INPP4B: variants seen among roughly 807,000 people sequenced by gnomAD.
The protein encoded by INPP4B is inositol polyphosphate 4-phosphatase type II.
A neutral mutation model predicts 122.5 loss-of-function variants in INPP4B; 55 were observed. The observed-to-expected ratio is 0.45, with a 90% CI of 0.36 to 0.56. INPP4B has a LOEUF of 0.56. INPP4B is among the 20% of genes least tolerant of loss of function. The pLI is 0.00. For synonymous variants in INPP4B, 403 were observed against 388.7 expected (o/e 1.04, Z -0.43); for missense variants, 1,000 against 1,097.7 (o/e 0.91, Z 1.26).
chr4:142,490,034 G>C (rs895321027), intron 2 of INPP4B, among the ~76,000 whole-genome samples: 4 of 151,800 alleles, frequency 2.6e-5, no homozygotes, highest in African/African-American at 9.7e-5. Context: ...TTTTGGAGGG[G>C]GGAAAGGAGG....
intron 7 of INPP4B, among the ~76,000 whole-genome samples, chr4:142,355,378 C>T (rs1276977878): frequency 6.6e-6 from 1 of 151,858 alleles, no homozygotes; most frequent in East Asian, 1.9e-4. Context: ...TTTCCCCCCA[C>T]CAGAATATGT....
At chr4:142,128,245 C>T (rs1046015641) in intron 18 of INPP4B, among the ~76,000 whole-genome samples, 8 of 150,802 alleles carry the variant, frequency 5.3e-5, no homozygotes, top group South Asian at 2.1e-4. Flanking sequence ...CATATATATA[C>T]GTGTGTGCAC....
intron 1 of INPP4B, among the ~76,000 whole-genome samples, chr4:142,815,891 A>T (rs1780061272): frequency 6.6e-6 from 1 of 152,122 alleles, no homozygotes; most frequent in Non-Finnish European, 1.5e-5. Flanking sequence ...CACTTTTGTA[A>T]ATTGCTCACT....
intron 11 of INPP4B, among the ~76,000 whole-genome samples, chr4:142,255,808 C>T (rs962387602): frequency 2.0e-5 from 3 of 151,638 alleles, no homozygotes; most frequent in African/African-American, 2.4e-5. Flanking sequence ...GACAGAAAGT[C>T]AACAAGGATA....
At chr4:142,547,130 CT>C (rs11442528) in intron 2 of INPP4B, among the ~76,000 whole-genome samples, 3,795 of 141,576 alleles carry the variant, frequency 0.027, 82 homozygotes, top group African/African-American at 0.066. Context: ...GATCCCAGTG[CT>C]TTTTTTTTTT....
At chr4:142,568,413 T>C (rs2081474) in intron 2 of INPP4B, among the ~76,000 whole-genome samples, 132,658 of 152,042 alleles carry the variant, frequency 0.87, 57,916 homozygotes, top group African/African-American at 0.9. Flanking sequence ...CTTGTTTTTC[T>C]TCATATACAA....
At chr4:142,343,723 A>G (rs893182627) in intron 7 of INPP4B, among the ~76,000 whole-genome samples, 2 of 152,084 alleles carry the variant, frequency 1.3e-5, no homozygotes, top group Non-Finnish European at 2.9e-5. Flanking sequence ...GAAGTTTAAT[A>G]GTTAGCTATT....
Position 142,104,111 on chromosome 4 carries a change from A to G in INPP4B, c.2374+3982T>C, listed in dbSNP as rs533338160. 2.0e-5 allele frequency among the ~76,000 whole-genome samples: 3 copies of G among 152,210 alleles called. No homozygotes were observed. The East Asian group carries it at 5.8e-4, about 29-fold the overall frequency. ...TGACAATATCCTTCTTCTTTGTTTC[A>G]GATAAAGCACAAAAGATATGGGCAT... On this transcript the variant is annotated intron_variant, in intron 23 of 25. Coordinates refer to ENST00000262992, the MANE Select transcript of INPP4B (RefSeq NM_001101669.3).
intron 15 of INPP4B, among the ~76,000 whole-genome samples, chr4:142,190,357 T>C (rs1225778534): frequency 6.6e-6 from 1 of 152,210 alleles, no homozygotes; most frequent in African/African-American, 2.4e-5. Context: ...TTTACTTCTA[T>C]ACATTGCTGT....
At chr4:142,108,529 T>C (rs545774001) in intron 22 of INPP4B, among the ~76,000 whole-genome samples, 4 of 152,286 alleles carry the variant, frequency 2.6e-5, no homozygotes, top group Non-Finnish European at 5.9e-5. Context: ...TACATCCCTG[T>C]ATGTGTTTTA....
At chr4:142,682,356 A>G (rs1758746585) in intron 2 of INPP4B, among the ~76,000 whole-genome samples, 1 of 151,788 alleles carries the variant, frequency 6.6e-6, no homozygotes, top group Non-Finnish European at 1.5e-5. Flanking sequence ...GGATTATAAA[A>G]GAAATGCCTT....
chr4:142,373,191 T>C (rs1266968450), intron 7 of INPP4B, among the ~76,000 whole-genome samples: 2 of 152,064 alleles, frequency 1.3e-5, no homozygotes, highest in African/African-American at 4.8e-5. Context: ...TCATAAATTC[T>C]ATTTTTGCAT....
intron 2 of INPP4B, among the ~76,000 whole-genome samples, chr4:142,680,375 C>A (rs557920143): frequency 6.6e-6 from 1 of 151,914 alleles, no homozygotes; most frequent in African/African-American, 2.4e-5. Flanking sequence ...TCAAGGGAAG[C>A]ACTTCAGCTA....
At chr4:142,186,134 A>T (rs993170750) in intron 15 of INPP4B, among the ~76,000 whole-genome samples, 1 of 152,182 alleles carries the variant, frequency 6.6e-6, no homozygotes, top group Non-Finnish European at 1.5e-5. Flanking sequence ...ATTTACATGC[A>T]CTAAATTGAG....
intron 14 of INPP4B, among the ~76,000 whole-genome samples, chr4:142,205,829 G>C (rs1842383764): frequency 6.6e-6 from 1 of 151,902 alleles, no homozygotes. Flanking sequence ...AAGTATTTTA[G>C]CTTCTTTAAT....
At chr4:142,591,579 G>T (rs778519050) in intron 2 of INPP4B, among the ~76,000 whole-genome samples, 14 of 152,044 alleles carry the variant, frequency 9.2e-5, no homozygotes, top group Non-Finnish European at 1.8e-4. Flanking sequence ...CTCCTTAAAT[G>T]TGGTCTGTGT....
chr4:142,740,034 C>T (rs917065948), intron 1 of INPP4B, among the ~76,000 whole-genome samples: 1 of 152,016 alleles, frequency 6.6e-6, no homozygotes, highest in Admixed American at 6.6e-5. Context: ...ATGTATAAAA[C>T]ATAGTATACA....
chr4:142,659,165 C>T (rs766978049), intron 2 of INPP4B, among the ~76,000 whole-genome samples: 9 of 151,430 alleles, frequency 5.9e-5, no homozygotes, highest in East Asian at 1.9e-4. Context: ...TTTGGGAGGC[C>T]GAGGCGGGCA....
chr4:142,794,247 A>T (rs1206223781), intron 1 of INPP4B, among the ~76,000 whole-genome samples: 1 of 152,060 alleles, frequency 6.6e-6, no homozygotes, highest in African/African-American at 2.4e-5. Context: ...TTTAAGCTAT[A>T]AATAAAGTAT....
Sources: gnomAD v4.1 joint callset for allele counts (sites outside exome capture counted in the v4.1 genomes callset) on GRCh38, gnomAD v4.1.1 for gene constraint, MANE v1.5 for transcripts, NCBI Gene and HGNC (gene_info 2026-07-23, HGNC 2026-07-21) for gene names.